TNKS: variants seen among roughly 807,000 people sequenced by gnomAD.
TNKS encodes poly [ADP-ribose] polymerase tankyrase-1.
Under a neutral mutation model 135.8 loss-of-function variants are expected in TNKS, and 72 were observed. The ratio of observed to expected loss-of-function variants is 0.53; its 90% confidence interval spans 0.44 to 0.64. TNKS has a LOEUF of 0.64. TNKS is among the 30% of genes least tolerant of loss of function. The pLI, the probability that TNKS is intolerant of heterozygous loss-of-function variation, is 0.00. For missense variants in TNKS, 1,769 were observed against 1,674.0 expected (o/e 1.06, Z -0.99); for synonymous variants, 849 against 649.3 (o/e 1.31, Z -4.68).
In TNKS at chr8:9,613,229, G is replaced by T. The variant is rs138062692; in HGVS notation, c.899-2353G>T. Among the ~76,000 whole-genome samples the T allele has an allele frequency of 1.5e-3, 236 of 152,302 alleles. 1 individual carries two copies. Among genetic ancestry groups the T allele is most frequent in the African/African-American group, 5.6e-3 (231 of 41,560 alleles). The stretch of plus-strand genomic sequence containing the variant: ...CTACAGAAAGAGTTAGCTGACCCCT[G>T]CCCTAGAGCAAAGCATGGAATTAGT... On this transcript the variant is annotated intron_variant, in intron 2 of 26. Transcript: ENST00000310430.
chr8:9,597,131 A>G (rs537074142), intron 2 of TNKS, among the ~76,000 whole-genome samples: 8 of 152,364 alleles, frequency 5.3e-5, no homozygotes, highest in Admixed American at 4.6e-4. Context: ...ACAATTAAGT[A>G]TGAATTGCAA....
chr8:9,742,216 ATTAAAC>A (rs1467346349), intron 17 of TNKS, among the ~76,000 whole-genome samples: 1 of 152,032 alleles, frequency 6.6e-6, no homozygotes, highest in Non-Finnish European at 1.5e-5. Flanking sequence ...TTTTTCATGT[ATTAAAC>A]TTGTAAATTT....
At position 9,668,122 on chromosome 8, in the gene TNKS, G is replaced by T. The variant is rs548423323; in HGVS notation, c.995-11829G>T. On this transcript the variant is annotated intron_variant, in intron 3 of 26. Coordinates refer to ENST00000310430, the MANE Select transcript of TNKS (RefSeq NM_003747.3). ...CACCCGTGTGAACATTATCTGTCAGGTGTGTTGAGGAAAAATCATTCGGAA... is the reference window on the plus strand; with the variant it reads ...CACCCGTGTGAACATTATCTGTCAGTTGTGTTGAGGAAAAATCATTCGGAA... Among the ~76,000 whole-genome samples, 114 of 152,304 alleles carry T rather than the reference G, an allele frequency of 7.5e-4. 1 individual carries two copies. The Middle Eastern group carries it at 0.031, about 41-fold the overall frequency.
chr8:9,659,374 T>C (rs1015874338), intron 3 of TNKS, among the ~76,000 whole-genome samples: 3 of 152,108 alleles, frequency 2.0e-5, no homozygotes, highest in Non-Finnish European at 2.9e-5. Context: ...ACAGAAATTA[T>C]AACAAACTGT....
intron 1 of TNKS, among the ~76,000 whole-genome samples, chr8:9,560,452 T>G (rs775265481): frequency 2.0e-5 from 3 of 150,362 alleles, no homozygotes; most frequent in Non-Finnish European, 3.0e-5. Context: ...TTCAACTCAT[T>G]CCTGACTCTT....
At chr8:9,748,322 G>T in intron 18 of TNKS, 110 bp downstream of exon 18, 1 of 996,674 alleles carries the variant, frequency 1.0e-6, no homozygotes, top group Non-Finnish European at 1.3e-6. Context: ...ACTTAGAACA[G>T]AGATCTTCTG....
chr8:9,689,808 G>A (rs936697652), intron 5 of TNKS, among the ~76,000 whole-genome samples: 1 of 152,170 alleles, frequency 6.6e-6, no homozygotes, highest in African/African-American at 2.4e-5. Flanking sequence ...TTCCCAGTTT[G>A]CAGTTAAAAT....
chr8:9,664,413 G>C (rs1263606035), intron 3 of TNKS, among the ~76,000 whole-genome samples: 5 of 152,124 alleles, frequency 3.3e-5, no homozygotes, highest in African/African-American at 9.7e-5. Flanking sequence ...TTATTCATGA[G>C]GGATCCACCT....
intron 3 of TNKS, among the ~76,000 whole-genome samples, chr8:9,617,102 A>T (rs1004452833): frequency 1.6e-4 from 25 of 152,238 alleles, no homozygotes; most frequent in Non-Finnish European, 4.4e-5. Context: ...TAATGCAACA[A>T]CGCTTTTAGA....
intron 14 of TNKS, among the ~76,000 whole-genome samples, chr8:9,732,140 G>A (rs1182791456): frequency 6.6e-6 from 1 of 151,952 alleles, no homozygotes; most frequent in African/African-American, 2.4e-5. Flanking sequence ...CTTCTTTTTT[G>A]CTATTAAAAA....
intron 2 of TNKS, among the ~76,000 whole-genome samples, chr8:9,602,986 C>T (rs950198882): frequency 6.6e-6 from 1 of 152,120 alleles, no homozygotes; most frequent in African/African-American, 2.4e-5. Flanking sequence ...GGTTTACATA[C>T]ACAAGGTGTC....
intron 2 of TNKS, among the ~76,000 whole-genome samples, chr8:9,588,293 T>C (rs760887324): frequency 1.3e-5 from 2 of 152,142 alleles, no homozygotes; most frequent in Non-Finnish European, 2.9e-5. Context: ...CTTTTTTTTT[T>C]TGAGACAGTC....
At chr8:9,634,387 A>T (rs1800424362) in intron 3 of TNKS, among the ~76,000 whole-genome samples, 1 of 152,218 alleles carries the variant, frequency 6.6e-6, no homozygotes, top group African/African-American at 2.4e-5. Flanking sequence ...GAACTAATCT[A>T]AGTAACTTTT....
At chr8:9,719,745 G>T (rs1804783342) in intron 11 of TNKS, among the ~76,000 whole-genome samples, 1 of 152,152 alleles carries the variant, frequency 6.6e-6, no homozygotes. Flanking sequence ...TTAAGAACAT[G>T]ATGCCAGTGT....
At chr8:9,724,941 G>T (rs773632676) in intron 12 of TNKS, among the ~76,000 whole-genome samples, 1 of 148,408 alleles carries the variant, frequency 6.7e-6, no homozygotes, top group Non-Finnish European at 1.5e-5. Flanking sequence ...TGCTGTCATC[G>T]AAAAATACTC....
At chr8:9,591,622 C>T (rs7002917) in intron 2 of TNKS, among the ~76,000 whole-genome samples, 12,896 of 152,128 alleles carry the variant, frequency 0.085, 613 homozygotes, top group South Asian at 0.17. Flanking sequence ...TTTGCTGTTA[C>T]TGATTTTTGA....
intron 2 of TNKS, among the ~76,000 whole-genome samples, chr8:9,595,584 T>A (rs746119345): frequency 5.9e-5 from 9 of 152,084 alleles, no homozygotes; most frequent in Non-Finnish European, 1.2e-4. Flanking sequence ...TTATTAATTG[T>A]GTTTTATTAG....
chr8:9,648,475 G>A (rs769258101), intron 3 of TNKS, among the ~76,000 whole-genome samples: 22 of 152,056 alleles, frequency 1.4e-4, no homozygotes, highest in South Asian at 2.1e-4. Context: ...GGTTAGGATC[G>A]TCATTATCAC....
intron 2 of TNKS, among the ~76,000 whole-genome samples, chr8:9,599,602 T>C (rs912635173): frequency 1.3e-5 from 2 of 152,214 alleles, no homozygotes; most frequent in Admixed American, 1.3e-4. Context: ...TTACATTTAT[T>C]CCAGTATCTG....
Sources: gnomAD v4.1 joint callset for allele counts (sites outside exome capture counted in the v4.1 genomes callset) on GRCh38, gnomAD v4.1.1 for gene constraint, MANE v1.5 for transcripts, NCBI Gene and HGNC (gene_info 2026-07-23, HGNC 2026-07-21) for gene names.